SCMH1: variants seen among roughly 807,000 people sequenced by gnomAD.
The protein encoded by SCMH1 is Scm polycomb group protein homolog 1.
A neutral mutation model predicts 70.8 loss-of-function variants in SCMH1; 37 were observed. The observed-to-expected ratio is 0.52, with a 90% confidence interval of 0.40 to 0.69. SCMH1 has a LOEUF of 0.69. Among genes scored for constraint, SCMH1 ranks in the 30% least tolerant of loss-of-function variants. The pLI is 0.00. For missense variants in SCMH1, 607 were observed against 827.3 expected, an observed-to-expected ratio of 0.73 and a Z score of 3.27; for synonymous variants, 292 against 307.4, an observed-to-expected ratio of 0.95 and a Z score of 0.52.
chr1:41,203,197 T>C (rs552995099), intron 1 of SCMH1, among the ~76,000 whole-genome samples: 1 of 152,268 alleles, frequency 6.6e-6, no homozygotes, highest in South Asian at 2.1e-4. Flanking sequence ...ATTCAGATGC[T>C]AAATTTTCAT....
intron 6 of SCMH1, among the ~76,000 whole-genome samples, chr1:41,124,404 T>C (rs770157322): frequency 5.3e-5 from 8 of 152,204 alleles, no homozygotes; most frequent in Admixed American, 1.3e-4. Context: ...AAGAATCACA[T>C]ACTGCAATTG....
intron 8 of SCMH1, among the ~76,000 whole-genome samples, chr1:41,090,811 G>A (rs529009770): frequency 6.6e-5 from 10 of 152,100 alleles, no homozygotes; most frequent in Non-Finnish European, 1.2e-4. Context: ...AGGCTGAGGC[G>A]GGTGGATCAT....
chr1:41,108,950 C>T (rs710248), intron 8 of SCMH1, among the ~76,000 whole-genome samples: 129,262 of 152,220 alleles, frequency 0.85, 55,375 homozygotes, highest in East Asian at 0.97. Context: ...TGCTCTGATA[C>T]TACACCATAC....
intron 8 of SCMH1, among the ~76,000 whole-genome samples, chr1:41,082,407 T>C (rs1231742827): frequency 6.6e-6 from 1 of 152,140 alleles, no homozygotes; most frequent in Non-Finnish European, 1.5e-5. Context: ...TGGGGGCCAA[T>C]ATTCAACATT....
At chr1:41,108,307 T>C (rs539933523) in intron 8 of SCMH1, among the ~76,000 whole-genome samples, 54 of 152,364 alleles carry the variant, frequency 3.5e-4, no homozygotes, top group Admixed American at 6.5e-4. Context: ...GGGTCTCATG[T>C]TGTCTCGCTG....
chr1:41,150,616 G>T (rs12118372), intron 5 of SCMH1, among the ~76,000 whole-genome samples: 11,871 of 152,080 alleles, frequency 0.078, 600 homozygotes, highest in South Asian at 0.13. Flanking sequence ...CAGAAGTCCT[G>T]AACTTGTATT....
chr1:41,229,740 T>TA lies in SCMH1; in HGVS notation c.-118+12318dup, dbSNP rs900990472. Among the ~76,000 whole-genome samples, 18 of 149,378 alleles carry TA rather than the reference T, an allele frequency of 1.2e-4. No individual in the cohort carries two copies. The South Asian group carries it at 2.3e-3, about 19-fold the overall frequency. On this transcript the variant is annotated intron_variant, in intron 1 of 14. Coordinates refer to ENST00000337495, the Ensembl canonical transcript of SCMH1. ...TGTACCCTAGAAATTAAAGTATAATTAAAAAAAAAATAAGATTGGCAAGAC... is the reference window on the plus strand; with the variant it reads ...TGTACCCTAGAAATTAAAGTATAATTAAAAAAAAAAATAAGATTGGCAAGAC...
chr1:41,229,935 C>T (rs1660988385), intron 1 of SCMH1, among the ~76,000 whole-genome samples: 1 of 152,124 alleles, frequency 6.6e-6, no homozygotes, highest in Middle Eastern at 3.2e-3. Flanking sequence ...AAGACTCTCC[C>T]AGGCAGATGA....
chr1:41,206,671 A>C lies in SCMH1; in HGVS notation c.-117-20421T>G, dbSNP rs1366310266. Among the ~76,000 whole-genome samples the C allele has an allele frequency of 2.0e-5, 3 of 152,342 alleles. No individual in the cohort carries two copies. In the East Asian group the frequency reaches 5.8e-4, roughly 29 times the overall value. ...AACCTAGCAAGGCAGGCCAACATTC[A>C]AATTCAGGAAATACAGAGAACACCA... On this transcript the variant is annotated intron_variant, in intron 1 of 14. Coordinates refer to ENST00000337495, the Ensembl canonical transcript of SCMH1.
intron 6 of SCMH1, among the ~76,000 whole-genome samples, chr1:41,135,671 G>A (rs186235000): frequency 1.2e-4 from 19 of 152,288 alleles, no homozygotes; most frequent in African/African-American, 4.6e-4. Context: ...GGCCTTTTAA[G>A]TTACAATTAA....
At chr1:41,230,186 G>C (rs1661033012) in intron 1 of SCMH1, among the ~76,000 whole-genome samples, 1 of 152,206 alleles carries the variant, frequency 6.6e-6, no homozygotes, top group Non-Finnish European at 1.5e-5. Flanking sequence ...ATTGGTGGAG[G>C]ATAGGGTACA....
chr1:41,197,445 G>A (rs1653293999), intron 1 of SCMH1, among the ~76,000 whole-genome samples: 1 of 152,070 alleles, frequency 6.6e-6, no homozygotes, highest in Non-Finnish European at 1.5e-5. Flanking sequence ...AGACACAAAA[G>A]GACAACTACT....
intron 5 of SCMH1, among the ~76,000 whole-genome samples, chr1:41,148,645 G>A (rs1644800125): frequency 1.3e-5 from 2 of 152,072 alleles, no homozygotes; most frequent in Non-Finnish European, 2.9e-5. Flanking sequence ...TATATATAAA[G>A]TGTCTTTTTT....
chr1:41,226,868 T>C (rs1003506499), intron 1 of SCMH1, among the ~76,000 whole-genome samples: 1 of 152,184 alleles, frequency 6.6e-6, no homozygotes, highest in Non-Finnish European at 1.5e-5. Flanking sequence ...CTAAGGAAGT[T>C]ATGTCTCCGT....
chr1:41,080,375 T>C (rs541675345), intron 8 of SCMH1, among the ~76,000 whole-genome samples: 158 of 152,228 alleles, frequency 1.0e-3, no homozygotes, highest in Middle Eastern at 6.8e-3. Context: ...CATTTCATTT[T>C]ATAAGGCCAG....
At chr1:41,198,542 T>A (rs998221135) in intron 1 of SCMH1, among the ~76,000 whole-genome samples, 2 of 152,190 alleles carry the variant, frequency 1.3e-5, no homozygotes, top group African/African-American at 4.8e-5. Context: ...TAACAGGAGC[T>A]TTCATAAATT....
intron 1 of SCMH1, among the ~76,000 whole-genome samples, chr1:41,228,680 G>A (rs1172646821): frequency 6.6e-6 from 1 of 151,916 alleles, no homozygotes; most frequent in African/African-American, 2.4e-5. Context: ...AGGTACTTAG[G>A]AGGCTGCAGT....
intron 10 of SCMH1, among the ~76,000 whole-genome samples, chr1:41,068,310 A>C (rs1655354694): frequency 6.6e-6 from 1 of 152,226 alleles, no homozygotes; most frequent in Admixed American, 6.5e-5. Flanking sequence ...CAGAGATACG[A>C]CTATTACAGA....
At chr1:41,213,748 C>A (rs1227171256) in intron 1 of SCMH1, among the ~76,000 whole-genome samples, 1 of 152,076 alleles carries the variant, frequency 6.6e-6, no homozygotes, top group African/African-American at 2.4e-5. Flanking sequence ...CTTTATGAAG[C>A]CCTCTGTGTC....
Sources: gnomAD v4.1 joint callset for allele counts (sites outside exome capture counted in the v4.1 genomes callset) on GRCh38, gnomAD v4.1.1 for gene constraint, MANE v1.5 for transcripts, NCBI Gene and HGNC (gene_info 2026-07-23, HGNC 2026-07-21) for gene names.